The following IER3IP1 variants were observed in gnomAD, a reference collection of about 807,000 sequenced individuals.
IER3IP1 encodes the protein immediate early response 3-interacting protein 1.
IER3IP1 carries 16 observed loss-of-function variants against 12.2 expected under a neutral mutation model. That is an observed-to-expected ratio of 1.31 (90% CI 0.89 to 1.99). The LOEUF (loss-of-function observed/expected upper bound fraction) is 1.99. IER3IP1 is among the 30% of genes most tolerant of loss of function. The pLI is 0.00. For synonymous variants in IER3IP1, 42 were observed against 40.0 expected (o/e 1.05, Z -0.19); for missense variants, 95 against 95.8 (o/e 0.99, Z 0.03).
At chr18:47,166,709 G>A (rs2063997024) in intron 1 of IER3IP1, among the ~76,000 whole-genome samples, 1 of 151,992 alleles carries the variant, frequency 6.6e-6, no homozygotes, top group Non-Finnish European at 1.5e-5. Context: ...TGACCAGTAA[G>A]GAGTTTGCTA....
chr18:47,169,452 G>A (rs1600000812), intron 1 of IER3IP1, among the ~76,000 whole-genome samples: 1 of 152,092 alleles, frequency 6.6e-6, no homozygotes, highest in African/African-American at 2.4e-5. Flanking sequence ...GTGTCATATA[G>A]TAACCATGTT....
intron 1 of IER3IP1, among the ~76,000 whole-genome samples, chr18:47,166,917 T>C (rs1379358940): frequency 6.6e-6 from 1 of 152,192 alleles, no homozygotes; most frequent in Non-Finnish European, 1.5e-5. Context: ...GTTCCCTTAA[T>C]TTGGAGACCA....
chr18:47,167,825 G>C (rs543130222), intron 1 of IER3IP1, among the ~76,000 whole-genome samples: 1 of 152,042 alleles, frequency 6.6e-6, no homozygotes, highest in Non-Finnish European at 1.5e-5. Context: ...CATTGCAGGT[G>C]TTCTAAAACA....
intron 1 of IER3IP1, among the ~76,000 whole-genome samples, chr18:47,164,746 C>T (rs563933327): frequency 6.6e-6 from 1 of 150,996 alleles, no homozygotes; most frequent in Admixed American, 6.6e-5. Flanking sequence ...CATGCTACTG[C>T]ACTCCAGCCT....
intron 2 of IER3IP1, among the ~76,000 whole-genome samples, chr18:47,156,480 C>A (rs1477378497): frequency 1.3e-5 from 2 of 152,186 alleles, no homozygotes; most frequent in African/African-American, 4.8e-5. Flanking sequence ...TGTGAAACAT[C>A]TGTGGATAGT....
chr18:47,159,633 G>C (rs952764021), intron 1 of IER3IP1, among the ~76,000 whole-genome samples: 4 of 152,062 alleles, frequency 2.6e-5, no homozygotes, highest in Admixed American at 1.3e-4. Flanking sequence ...AAAGAAGAAA[G>C]CTGAAAAAAA....
Position 47,155,389 on chromosome 18 carries a change from G to A in IER3IP1, c.*788C>T, listed in dbSNP as rs1333015596. 1.3e-5 allele frequency: 2 copies of A among 152,040 alleles called. No homozygotes were observed. Among genetic ancestry groups the A allele is most frequent in the East Asian group, 3.9e-4 (2 of 5,184 alleles). The allele number at this position is 152,040 out of a possible 1,614,324, so 9.4% of individuals were successfully genotyped here. ...TCTTCTTGGGTAGTACAGTGTAATT[G>A]TGATTGTTTAGGACTGCTCTTGTGG... On this transcript the variant is annotated 3_prime_UTR_variant, in exon 3 of 3. Transcript: ENST00000256433.
intron 1 of IER3IP1, among the ~76,000 whole-genome samples, chr18:47,168,397 A>G (rs1409651926): frequency 1.3e-5 from 2 of 152,184 alleles, no homozygotes; most frequent in African/African-American, 4.8e-5. Flanking sequence ...ACAAGATGAA[A>G]TGAACATTAT....
chr18:47,176,262 A>G lies in IER3IP1; in HGVS notation c.16T>C (p.Tyr6His). The G allele has an allele frequency of 6.2e-7, 1 of 1,609,534 alleles. No homozygotes were observed. The highest frequency in any genetic ancestry group is 1.1e-5 in the South Asian group (1 of 90,204). MAFTL[Y>H]SLLQAALLCV... ...AGCAGGGCTGCCTGCAGCAGTGAGTACAGGGTAAAGGCCATGGCCGTCCGA... is the reference window on the plus strand; with the variant it reads ...AGCAGGGCTGCCTGCAGCAGTGAGTGCAGGGTAAAGGCCATGGCCGTCCGA... The change falls in exon 1 of 3, where the codon TAC (tyrosine) becomes CAC (histidine). Residue 6 changes from tyrosine to histidine, a missense_variant. Physicochemically the swap from Tyr to His is moderately conservative, Grantham distance 83 (BLOSUM62 2). Coordinates refer to ENST00000256433, the MANE Select transcript of IER3IP1 (RefSeq NM_016097.5).
rs1600005938 is a variant in IER3IP1 at position 47,176,298 on chromosome 18, A to G, written c.-21T>C. Reference sequence around the variant, plus strand: ...GCCATGGCCGTCCGAGGCCGCCCCGAAGTCCAAGCGATTTCTCTCCCGCCG... The same window carrying G: ...GCCATGGCCGTCCGAGGCCGCCCCGGAGTCCAAGCGATTTCTCTCCCGCCG... On this transcript the variant is annotated 5_prime_UTR_variant, in exon 1 of 3. Transcript: ENST00000256433. The G allele has an allele frequency of 2.5e-6, 4 of 1,587,182 alleles. No individual in the cohort carries two copies. The East Asian group carries it at 9.1e-5, about 36-fold the overall frequency.
chr18:47,158,181 T>C (rs540987254), intron 1 of IER3IP1, among the ~76,000 whole-genome samples: 24 of 152,312 alleles, frequency 1.6e-4, no homozygotes, highest in South Asian at 1.2e-3. Flanking sequence ...AGAATACTTT[T>C]TTAGATTCTT....
intron 1 of IER3IP1, among the ~76,000 whole-genome samples, chr18:47,175,613 C>T (rs1485466817): frequency 6.6e-6 from 1 of 152,070 alleles, no homozygotes; most frequent in Non-Finnish European, 1.5e-5. Context: ...TGTATTTCCA[C>T]CACCACGTCC....
At chr18:47,173,253 C>T (rs1312923669) in intron 1 of IER3IP1, among the ~76,000 whole-genome samples, 1 of 152,202 alleles carries the variant, frequency 6.6e-6, no homozygotes, top group African/African-American at 2.4e-5. Flanking sequence ...AAAGGTATTA[C>T]CCTTCACTCA....
Position 47,155,562 on chromosome 18 carries a change from T to TA in IER3IP1, c.*614dup, listed in dbSNP as rs1336989926. On this transcript the variant is annotated 3_prime_UTR_variant, in exon 3 of 3. Coordinates refer to ENST00000256433, the MANE Select transcript of IER3IP1 (RefSeq NM_016097.5). ...AATAACAAGTGCATGGAAAGAATGTTAAACAAAAACATAATCATCATGTGA... is the reference window on the plus strand; with the variant it reads ...AATAACAAGTGCATGGAAAGAATGTTAAAACAAAAACATAATCATCATGTGA... 1 of 152,180 alleles carries TA rather than the reference T, an allele frequency of 6.6e-6. No homozygotes were observed. Among genetic ancestry groups the TA allele is most frequent in the Non-Finnish European group, 1.5e-5 (1 of 68,046 alleles). 9.4% of individuals were successfully genotyped at this position (152,180 alleles called of 1,614,324 possible). A position where few individuals can be genotyped will look rare whatever the true frequency, so the allele number is the denominator to read the frequency against.
At position 47,157,527 on chromosome 18, in the gene IER3IP1, T is replaced by C; in HGVS notation, c.102A>G (p.Gly34=). 4 of 1,614,006 alleles carry C rather than the reference T, an allele frequency of 2.5e-6. No individual in the cohort carries two copies. Among genetic ancestry groups the C allele is most frequent in the Non-Finnish European group, 3.4e-6 (4 of 1,179,874 alleles). The change falls in exon 2 of 3, where the codon GGA becomes GGG. Residue 34 remains glycine (G), a synonymous_variant. Coordinates refer to ENST00000256433, the MANE Select transcript of IER3IP1 (RefSeq NM_016097.5). ...CAAATCCACCAATTCCCTGGTCTGTTCCCCAGCCAACTGTATAATGTAAAG... is the reference window on the plus strand; with the variant it reads ...CAAATCCACCAATTCCCTGGTCTGTCCCCCAGCCAACTGTATAATGTAAAG... The part of the protein sequence containing the change: ...EERFLKNIGW[G]TDQGIGGFGE...
rs902225627 is a variant in IER3IP1, at chr18:47,155,422, T to G, written c.*755A>C. ...TTAGGACTGCTCTTGTGGGCTAATA[T>G]TTACGCTGTTGTTTTTTTTAAATCA... On this transcript the variant is annotated 3_prime_UTR_variant, in exon 3 of 3. Coordinates refer to ENST00000256433, the MANE Select transcript of IER3IP1 (RefSeq NM_016097.5). 1 of 151,998 alleles carries G rather than the reference T, an allele frequency of 6.6e-6. No individual in the cohort carries two copies. Among genetic ancestry groups the G allele is most frequent in the Non-Finnish European group, 1.5e-5 (1 of 67,972 alleles). The allele number at this position is 151,998 out of a possible 1,614,324, so 9.4% of individuals were successfully genotyped here.
intron 1 of IER3IP1, among the ~76,000 whole-genome samples, chr18:47,166,140 T>C (rs1445095551): frequency 6.6e-6 from 1 of 152,270 alleles, no homozygotes; most frequent in East Asian, 1.9e-4. Flanking sequence ...ATTAACATCA[T>C]TGTGGAAAAC....
In IER3IP1 at chr18:47,155,052, A is replaced by G. The variant is rs571532485; in HGVS notation, c.*1125T>C. On this transcript the variant is annotated 3_prime_UTR_variant, in exon 3 of 3. Transcript: ENST00000256433. ...TACAAAAACAAGTGCTTGACTTAGA[A>G]ATTTAACTTTATTTACAAATGTTCT... The G allele has an allele frequency of 1.1e-3, 167 of 152,356 alleles. 1 individual carries two copies. Among genetic ancestry groups the G allele is most frequent in the African/African-American group, 3.8e-3 (159 of 41,584 alleles). The allele number at this position is 152,356 out of a possible 1,614,324, so 9.4% of individuals were successfully genotyped here.
At chr18:47,165,021 C>T (rs921285175) in intron 1 of IER3IP1, among the ~76,000 whole-genome samples, 5 of 152,290 alleles carry the variant, frequency 3.3e-5, no homozygotes, top group East Asian at 3.9e-4. Flanking sequence ...CAGCCAAAAA[C>T]GCTCGACACA....
Sources: gnomAD v4.1 joint callset for allele counts (sites outside exome capture counted in the v4.1 genomes callset) on GRCh38, gnomAD v4.1.1 for gene constraint, MANE v1.5 for transcripts, NCBI Gene and HGNC (gene_info 2026-07-23, HGNC 2026-07-21) for gene names.